The following AHI1 variants were observed in gnomAD, a reference collection of about 807,000 sequenced individuals.
AHI1 encodes jouberin.
AHI1 carries 123 observed loss-of-function variants against 149.3 expected under a neutral mutation model. The ratio of observed to expected loss-of-function variants is 0.82; its 90% CI spans 0.71 to 0.96. The LOEUF (loss-of-function observed/expected upper bound fraction) is 0.96. Ranked by LOEUF, AHI1 falls within the 40% of genes least tolerant of loss-of-function variation. The pLI, the probability that AHI1 is intolerant of heterozygous loss-of-function variation, is 0.00. For missense variants in AHI1, 1,439 were observed against 1,422.7 expected (o/e 1.01, Z -0.18); for synonymous variants, 475 against 459.8 (o/e 1.03, Z -0.42).
intron 22 of AHI1, among the ~76,000 whole-genome samples, chr6:135,398,197 C>G (rs574982320): frequency 1.3e-5 from 2 of 151,060 alleles, no homozygotes; most frequent in South Asian, 2.1e-4. Flanking sequence ...TTTACATTCT[C>G]ATAATATAAA....
At chr6:135,422,306 C>T (rs887892751) in intron 20 of AHI1, among the ~76,000 whole-genome samples, 1 of 152,026 alleles carries the variant, frequency 6.6e-6, no homozygotes, top group Non-Finnish European at 1.5e-5. Flanking sequence ...CACTTGAGAC[C>T]AGGCCTAGGA....
At chr6:135,325,779 T>C (rs990668919) in intron 24 of AHI1, among the ~76,000 whole-genome samples, 1 of 152,082 alleles carries the variant, frequency 6.6e-6, no homozygotes, top group African/African-American at 2.4e-5. Context: ...CTTTAATGAG[T>C]CTCATGCAAA....
chr6:135,450,593 T>A (rs78356827), intron 11 of AHI1, among the ~76,000 whole-genome samples: 2,167 of 152,280 alleles, frequency 0.014, 49 homozygotes, highest in African/African-American at 0.049. Context: ...ACTCCCTTGA[T>A]AAACTCTCCT....
chr6:135,420,489 T>C (rs1782993200), intron 20 of AHI1, among the ~76,000 whole-genome samples: 2 of 152,212 alleles, frequency 1.3e-5, no homozygotes, highest in Admixed American at 6.6e-5. Context: ...CCTTCATCAA[T>C]GATCTCAGCT....
At chr6:135,401,668 A>T (rs1185195359) in intron 22 of AHI1, among the ~76,000 whole-genome samples, 1 of 152,236 alleles carries the variant, frequency 6.6e-6, no homozygotes, top group Non-Finnish European at 1.5e-5. Flanking sequence ...CCTATCCATC[A>T]TACCATATAC....
intron 22 of AHI1, among the ~76,000 whole-genome samples, chr6:135,400,101 G>GT (rs1779813591): frequency 6.6e-6 from 1 of 151,722 alleles, no homozygotes; most frequent in South Asian, 2.1e-4. Flanking sequence ...TTTTGTGTTT[G>GT]TAAGTTCTCA....
intron 24 of AHI1, among the ~76,000 whole-genome samples, chr6:135,332,219 A>G (rs2614279): frequency 0.7 from 106,395 of 151,988 alleles, 38,748 homozygotes; most frequent in African/African-American, 0.92. Flanking sequence ...ACAGGCGTGC[A>G]CCACTATGCC....
chr6:135,380,216 G>A (rs1253307786), intron 23 of AHI1, among the ~76,000 whole-genome samples: 1 of 151,612 alleles, frequency 6.6e-6, no homozygotes, highest in Non-Finnish European at 1.5e-5. Flanking sequence ...TGCATCCATG[G>A]GTTCTGCATC....
intron 22 of AHI1, 103 bp from the exon 23 acceptor site, chr6:135,394,999 G>A: frequency 5.7e-6 from 7 of 1,219,508 alleles, no homozygotes; most frequent in Non-Finnish European, 8.0e-6. Flanking sequence ...CAGGACACAT[G>A]ATAGGTCAAA....
intron 23 of AHI1, among the ~76,000 whole-genome samples, chr6:135,368,463 C>T (rs747148904): frequency 2.4e-4 from 36 of 152,112 alleles, no homozygotes; most frequent in Non-Finnish European, 4.6e-4. Context: ...AGATTATATC[C>T]TTTGTCTTAA....
chr6:135,399,345 A>G lies in AHI1; in HGVS notation c.2989-4449T>C, dbSNP rs117975193. On this transcript the variant is annotated intron_variant, in intron 22 of 28. Transcript: ENST00000265602. ...GCTTCGTTAAAAGCTAAACTCCTTG[A>G]AAAACAGCACACAACTGCAATCCAT... 1.8e-3 allele frequency among the ~76,000 whole-genome samples: 268 copies of G among 152,338 alleles called. 2 individuals carry two copies. The highest frequency in any genetic ancestry group is 0.015 in the East Asian group (79 of 5,194).
intron 21 of AHI1, among the ~76,000 whole-genome samples, chr6:135,405,768 G>A (rs1780681440): frequency 6.6e-6 from 1 of 150,532 alleles, no homozygotes; most frequent in Non-Finnish European, 1.5e-5. Context: ...GCTGAGGCAG[G>A]AGAATCACTT....
chr6:135,326,876 T>A (rs1197584264), intron 24 of AHI1, among the ~76,000 whole-genome samples: 1 of 152,176 alleles, frequency 6.6e-6, no homozygotes, highest in Non-Finnish European at 1.5e-5. Context: ...AGGTAATTTT[T>A]CATTCTTCAT....
intron 20 of AHI1, among the ~76,000 whole-genome samples, chr6:135,423,558 T>C (rs1783518030): frequency 6.6e-6 from 1 of 152,120 alleles, no homozygotes; most frequent in Non-Finnish European, 1.5e-5. Flanking sequence ...GTTAATAAAA[T>C]CATGTCAGTA....
chr6:135,423,467 C>T (rs1783504556), intron 20 of AHI1, among the ~76,000 whole-genome samples: 1 of 152,102 alleles, frequency 6.6e-6, no homozygotes, highest in Non-Finnish European at 1.5e-5. Context: ...TTGCCCTGAA[C>T]TCTGGTAAAG....
chr6:135,397,233 C>T (rs1054851852), intron 22 of AHI1, among the ~76,000 whole-genome samples: 2 of 151,704 alleles, frequency 1.3e-5, no homozygotes, highest in Admixed American at 6.6e-5. Flanking sequence ...AAAGCAAGCT[C>T]GTACATATTT....
intron 24 of AHI1, among the ~76,000 whole-genome samples, chr6:135,331,508 T>C (rs1367873235): frequency 1.3e-5 from 2 of 152,162 alleles, no homozygotes; most frequent in Non-Finnish European, 2.9e-5. Context: ...GGGGAATTCC[T>C]TTCTGTATTA....
At chr6:135,345,957 C>T (rs1290701536) in intron 24 of AHI1, among the ~76,000 whole-genome samples, 1 of 152,118 alleles carries the variant, frequency 6.6e-6, no homozygotes, top group Non-Finnish European at 1.5e-5. Flanking sequence ...GAGAAGACAA[C>T]CTTGATTCTG....
intron 14 of AHI1, among the ~76,000 whole-genome samples, 154 bp downstream of exon 14, chr6:135,442,428 T>C (rs1157383139): frequency 6.6e-6 from 1 of 152,136 alleles, no homozygotes; most frequent in East Asian, 1.9e-4. Flanking sequence ...GTAAAATTAT[T>C]ACAAAAGAAC....
Sources: allele counts gnomAD v4.1 joint callset (sites outside exome capture counted in the v4.1 genomes callset), GRCh38; gene constraint gnomAD v4.1.1; transcripts MANE v1.5; gene names NCBI Gene and HGNC (gene_info 2026-07-23, HGNC 2026-07-21).